The following DHX36 variants were observed in gnomAD, a reference collection of about 807,000 sequenced individuals.
The protein encoded by DHX36 is DEAH-box helicase 36.
A neutral mutation model predicts 139.0 loss-of-function variants in DHX36; 50 were observed. That is an observed-to-expected ratio of 0.36 (90% CI 0.29 to 0.46). DHX36 has a LOEUF of 0.46. Among genes scored for constraint, DHX36 ranks in the 20% least tolerant of loss-of-function variants. The pLI is 1.00. For synonymous variants in DHX36, 425 were observed against 401.9 expected (o/e 1.06, Z -0.69); for missense variants, 1,024 against 1,211.3 (o/e 0.85, Z 2.29).
Position 154,305,380 on chromosome 3 carries a change from G to A in DHX36, c.894-212C>T, listed in dbSNP as rs72996661. Reference sequence around the variant, plus strand: ...TTATCTTTGTTGTCATTGATATAATGTTAATTTCTTTTAAAAGATACGACC... The same window carrying A: ...TTATCTTTGTTGTCATTGATATAATATTAATTTCTTTTAAAAGATACGACC... On this transcript the variant is annotated intron_variant, in intron 6 of 24. Transcript: ENST00000496811. 1,049 of 469,918 alleles carry A rather than the reference G, an allele frequency of 2.2e-3. 13 individuals carry two copies. The highest frequency in any genetic ancestry group is 0.019 in the African/African-American group (957 of 49,652). The allele number at this position is 469,918 out of a possible 1,614,324, so 29.1% of individuals were successfully genotyped here. A position where few individuals can be genotyped will look rare whatever the true frequency, so the allele number is the denominator to read the frequency against.
rs756991329 is a variant in DHX36, at chr3:154,315,169, T to A, written c.480A>T (p.Arg160Ser). 12 of 1,613,426 alleles carry A rather than the reference T, an allele frequency of 7.4e-6. No individual in the cohort carries two copies. The highest frequency in any genetic ancestry group is 9.3e-6 in the Non-Finnish European group (11 of 1,179,620). Residue 160 changes from arginine (R) to serine (S), a missense_variant, in exon 3 of 25, where the codon AGA becomes AGT. Around this residue, in one of 4 missense-constraint regions of DHX36, gnomAD observed 293 missense variants for 274.4 expected, o/e 1.07. Transcript: ENST00000496811. ...ACTCAGAATCTCGGTCAATATATGATCTGTTCCTGATTCTAAACATTTTTT... is the reference window on the plus strand; with the variant it reads ...ACTCAGAATCTCGGTCAATATATGAACTGTTCCTGATTCTAAACATTTTTT... ...QEKKMFRIRNRSYIDRDSEYL... is the reference protein window; with the variant it reads ...QEKKMFRIRNSSYIDRDSEYL...
chr3:154,302,880 C>T (rs1559954352), intron 9 of DHX36, among the ~76,000 whole-genome samples: 2 of 152,094 alleles, frequency 1.3e-5, no homozygotes, highest in Non-Finnish European at 2.9e-5. Flanking sequence ...GAGTTTGAGA[C>T]CAGCCTGGCC....
chr3:154,306,262 A>G lies in DHX36; in HGVS notation c.847T>C (p.Ser283Pro). Residue 283 changes from serine (S) to proline (P), a missense_variant, in exon 6 of 25, where the codon TCT becomes CCT. Ser to Pro is a moderately conservative substitution (Grantham distance 74). Around this residue, in one of 4 missense-constraint regions of DHX36, gnomAD observed 146 missense variants for 215.0 expected, o/e 0.68. Transcript: ENST00000496811. ...CCAGTACTATTACCACTGCCACAAG[A>G]TTCTGCCCTTTCTGCAGCTACTCTT... ...AERVAAERAE[S>P]CGSGNSTGYQ... is the part of the protein sequence containing the mutation. 1 of 1,613,798 alleles carries G rather than the reference A, an allele frequency of 6.2e-7. No individual in the cohort carries two copies. Among genetic ancestry groups the G allele is most frequent in the Non-Finnish European group, 8.5e-7 (1 of 1,179,870 alleles).
chr3:154,310,936 T>G (rs192579810), intron 4 of DHX36, among the ~76,000 whole-genome samples: 3 of 148,396 alleles, frequency 2.0e-5, no homozygotes, highest in African/African-American at 7.4e-5. Flanking sequence ...AGTTTTAAGT[T>G]TGAACACTGA....
intron 14 of DHX36, among the ~76,000 whole-genome samples, chr3:154,292,982 C>T (rs1241186858): frequency 6.6e-6 from 1 of 152,058 alleles, no homozygotes; most frequent in Non-Finnish European, 1.5e-5. Context: ...TCTTACTTGC[C>T]TACAGTCAAA....
intron 3 of DHX36, among the ~76,000 whole-genome samples, chr3:154,313,781 G>A (rs1712859504): frequency 6.6e-6 from 1 of 152,058 alleles, no homozygotes; most frequent in African/African-American, 2.4e-5. Context: ...AAAAAATATT[G>A]CACATGCTAA....
Position 154,315,336 on chromosome 3 carries a change from A to G in DHX36, c.369-56T>C, listed in dbSNP as rs77983693. On this transcript the variant is annotated intron_variant, in intron 2 of 24. Transcript: ENST00000496811. Reference sequence around the variant, plus strand: ...GTCAGATGAGCCACTCAAACACTGGAACAAAACAAAACAAAACAATACGCT... The same window carrying G: ...GTCAGATGAGCCACTCAAACACTGGGACAAAACAAAACAAAACAATACGCT... The G allele has an allele frequency of 1.8e-3, 1,952 of 1,105,318 alleles. 22 individuals carry two copies. In the African/African-American group the frequency reaches 0.027, roughly 15 times the overall value. 68.5% of individuals were successfully genotyped at this position (1,105,318 alleles called of 1,614,324 possible).
chr3:154,307,763 GGGT>G (rs1321261151), intron 5 of DHX36, among the ~76,000 whole-genome samples: 63 of 151,156 alleles, frequency 4.2e-4, no homozygotes, highest in African/African-American at 1.5e-3. Context: ...TCCCACTGCT[GGGT>G]TTCTACCCAA....
intron 12 of DHX36, among the ~76,000 whole-genome samples, chr3:154,299,229 C>T (rs148111425): frequency 3.9e-4 from 60 of 152,284 alleles, no homozygotes; most frequent in Admixed American, 7.8e-4. Flanking sequence ...GCCGAGATGG[C>T]ATCACTGCAC....
At chr3:154,289,295 A>G (rs1711691167) in intron 16 of DHX36, among the ~76,000 whole-genome samples, 1 of 152,208 alleles carries the variant, frequency 6.6e-6, no homozygotes, top group Non-Finnish European at 1.5e-5. Flanking sequence ...AAACAAGTCT[A>G]ACTATATCAA....
chr3:154,322,807 A>C (rs1159912773), intron 1 of DHX36, among the ~76,000 whole-genome samples: 2 of 152,206 alleles, frequency 1.3e-5, no homozygotes, highest in Non-Finnish European at 2.9e-5. Flanking sequence ...ATATGCATAA[A>C]ACCTTGTTTC....
chr3:154,284,656 A>C lies in DHX36; in HGVS notation c.2219T>G (p.Ile740Ser). ...PFVIPLGKEK[I>S]ADARRKELAK... ...CAATTCCTTTCTTCTTGCATCTGCA[A>C]TCTTTTCTTTTCCCTTAAAAATAGC... The change falls in exon 19 of 25, where the codon ATT becomes AGT. Residue 740 changes from isoleucine (I) to serine (S), a missense_variant. Coordinates refer to ENST00000496811, the MANE Select transcript of DHX36 (RefSeq NM_020865.3). 4 of 1,611,672 alleles carry C rather than the reference A, an allele frequency of 2.5e-6. No homozygotes were observed. Among genetic ancestry groups the C allele is most frequent in the Non-Finnish European group, 3.4e-6 (4 of 1,178,586 alleles).
At position 154,283,178 on chromosome 3, in the gene DHX36, T is replaced by A. The variant is rs775330114; in HGVS notation, c.2376+10A>T. ...ATATATGATAATTACTGCAAAACATTCACCATTACCTGCAGTGTGTTTGAA... is the reference window on the plus strand; with the variant it reads ...ATATATGATAATTACTGCAAAACATACACCATTACCTGCAGTGTGTTTGAA... On this transcript the variant is annotated intron_variant, in intron 20 of 24. Coordinates refer to ENST00000496811, the MANE Select transcript of DHX36 (RefSeq NM_020865.3). The A allele has an allele frequency of 6.3e-7, 1 of 1,592,234 alleles. No homozygotes were observed. The highest frequency in any genetic ancestry group is 1.1e-5 in the South Asian group (1 of 90,558).
Position 154,309,761 on chromosome 3 carries a change from G to C in DHX36, c.705C>G (p.Gly235=). 1 of 1,612,292 alleles carries C rather than the reference G, an allele frequency of 6.2e-7. No homozygotes were observed. Among genetic ancestry groups the C allele is most frequent in the Non-Finnish European group, 8.5e-7 (1 of 1,179,206 alleles). Residue 235 remains glycine (G), a synonymous_variant, in exon 5 of 25, where the codon GGC becomes GGG. Transcript: ENST00000496811. Reference sequence around the variant, plus strand: ...TGAACTGAGTAACTTGAGTGGTTTTGCCACAACCAGTTTCACCACTTATTA... The same window carrying C: ...TGAACTGAGTAACTTGAGTGGTTTTCCCACAACCAGTTTCACCACTTATTA... ...VTVISGETGC[G]KTTQVTQFIL... is the part of the protein sequence containing the mutation.
chr3:154,300,617 G>C lies in DHX36; in HGVS notation c.1438C>G (p.Arg480Gly). The change falls in exon 11 of 25, where the codon CGA becomes GGA. Residue 480 changes from arginine to glycine, a missense_variant. Transcript: ENST00000496811. ...VDLNLIVALI[R>G]YIVLEEEDGA... Reference sequence around the variant, plus strand: ...ACCTCTTCTTCCAAAACAATGTATCGGATGAGGGCAACAATCAAATTCAGA... The same window carrying C: ...ACCTCTTCTTCCAAAACAATGTATCCGATGAGGGCAACAATCAAATTCAGA... 1 of 1,613,318 alleles carries C rather than the reference G, an allele frequency of 6.2e-7. No homozygotes were observed. The highest frequency in any genetic ancestry group is 8.5e-7 in the Non-Finnish European group (1 of 1,179,660).
Position 154,277,641 on chromosome 3 carries a change from T to G in DHX36, c.2645A>C (p.His882Pro). Residue 882 changes from histidine to proline, a missense_variant, in exon 23 of 25, where the codon CAC becomes CCC. By Grantham distance (77) the His-to-Pro change is moderately conservative. This residue lies in a region of DHX36 where 470 missense variants were observed against 616.2 expected (regional missense o/e 0.76). Transcript: ENST00000496811. ...KSVNVEQTDF[H>P]YNWLIYHLKM... ...TAGGTGATAGATAAGCCAGTTGTAG[T>G]GAAAGTCTGTTTGCTCCACATTAAC... 6.2e-7 allele frequency: 1 copy of G among 1,612,456 alleles called. No homozygotes were observed. The highest frequency in any genetic ancestry group is 2.2e-5 in the East Asian group (1 of 44,742).
At position 154,276,516 on chromosome 3, in the gene DHX36, T is replaced by A. The variant is rs914589425; in HGVS notation, c.2842-160A>T. 3.8e-6 allele frequency: 3 copies of A among 793,574 alleles called. No individual in the cohort carries two copies. The African/African-American group carries it at 5.3e-5, about 14-fold the overall frequency. 49.2% of individuals were successfully genotyped at this position (793,574 alleles called of 1,614,324 possible). Reference sequence around the variant, plus strand: ...CAACTAAAGTGTGGTTATGAGTGAATAACTAAAGTGCAGTTAAAATTCACA... The same window carrying A: ...CAACTAAAGTGTGGTTATGAGTGAAAAACTAAAGTGCAGTTAAAATTCACA... On this transcript the variant is annotated intron_variant, in intron 24 of 24. Transcript: ENST00000496811.
At position 154,274,754 on chromosome 3, in the gene DHX36, A is replaced by T. The variant is rs1452592017; in HGVS notation, c.*1417T>A. ...ATAAGACCACATGTGATTCATTTAG[A>T]ACAGCAGGATTCACCCTTAGGGAAA... is the stretch of plus-strand genomic sequence containing the variant. On this transcript the variant is annotated 3_prime_UTR_variant, in exon 25 of 25. Coordinates refer to ENST00000496811, the MANE Select transcript of DHX36 (RefSeq NM_020865.3). 1 of 152,214 alleles carries T rather than the reference A, an allele frequency of 6.6e-6. No homozygotes were observed. The highest frequency in any genetic ancestry group is 2.4e-5 in the African/African-American group (1 of 41,448). 9.4% of individuals were successfully genotyped at this position (152,214 alleles called of 1,614,324 possible).
chr3:154,291,772 G>A (rs1711824812), intron 15 of DHX36, among the ~76,000 whole-genome samples: 1 of 152,118 alleles, frequency 6.6e-6, no homozygotes, highest in Admixed American at 6.5e-5. Flanking sequence ...CTATCTGTAA[G>A]AGGCAAAAGA....
Sources: allele counts gnomAD v4.1 joint callset (sites outside exome capture counted in the v4.1 genomes callset), GRCh38; gene constraint gnomAD v4.1.1; regional missense constraint gnomAD v4.1.1; transcripts MANE v1.5; gene names NCBI Gene and HGNC (gene_info 2026-07-23, HGNC 2026-07-21).